MAP3K20: variants seen among roughly 807,000 people sequenced by gnomAD.
MAP3K20 encodes mitogen-activated protein kinase kinase kinase 20.
A neutral mutation model predicts 85.7 loss-of-function variants in MAP3K20; 40 were observed. The observed-to-expected ratio is 0.47, with a 90% CI of 0.36 to 0.61. The LOEUF (loss-of-function observed/expected upper bound fraction) is 0.61. Among genes scored for constraint, MAP3K20 ranks in the 20% least tolerant of loss-of-function variants. The probability of loss-of-function intolerance (pLI) is 0.00; values close to 1 mark genes in which losing one functional copy is unlikely to be tolerated. For missense variants in MAP3K20, 817 were observed against 961.7 expected (o/e 0.85, Z 1.99); for synonymous variants, 325 against 327.7 (o/e 0.99, Z 0.09).
chr2:173,092,709 T>A (rs565198375), intron 2 of MAP3K20, among the ~76,000 whole-genome samples: 11 of 152,330 alleles, frequency 7.2e-5, no homozygotes, highest in African/African-American at 2.6e-4. Context: ...TATATGATTG[T>A]TCGATGTGAA....
intron 2 of MAP3K20, among the ~76,000 whole-genome samples, chr2:173,137,364 G>T (rs3754743): frequency 0.27 from 41,444 of 152,044 alleles, 6,959 homozygotes; most frequent in Non-Finnish European, 0.37. Context: ...TGAGAGATAC[G>T]GTGTAGTGTA....
chr2:173,080,424 T>C (rs1320187956), intron 1 of MAP3K20, among the ~76,000 whole-genome samples: 2 of 152,214 alleles, frequency 1.3e-5, no homozygotes, highest in Non-Finnish European at 2.9e-5. Context: ...ATTTGGCTCA[T>C]GGTTCTGGAG....
At chr2:173,213,020 AGTTT>A (rs1402870464) in intron 10 of MAP3K20, among the ~76,000 whole-genome samples, 1 of 152,064 alleles carries the variant, frequency 6.6e-6, no homozygotes, top group Non-Finnish European at 1.5e-5. Context: ...CCTACAGTCT[AGTTT>A]GTTTAGAATG....
chr2:173,149,910 C>G (rs1689252842), intron 2 of MAP3K20, among the ~76,000 whole-genome samples: 1 of 152,168 alleles, frequency 6.6e-6, no homozygotes, highest in Non-Finnish European at 1.5e-5. Context: ...TATTTTGGGG[C>G]CCATTTGATT....
intron 11 of MAP3K20, chr2:173,226,793 CT>C: frequency 4.1e-6 from 4 of 983,840 alleles, no homozygotes; most frequent in Non-Finnish European, 4.8e-6. Flanking sequence ...AATTTTTGTA[CT>C]AAATAATAGA....
chr2:173,258,668 T>A (rs911870815), intron 16 of MAP3K20, 31 bp from the exon 17 acceptor site: 20 of 1,389,504 alleles, frequency 1.4e-5, no homozygotes, highest in Non-Finnish European at 1.9e-5. Flanking sequence ...TTTCACTTTC[T>A]CAAATTCTGT....
At chr2:173,083,328 C>T (rs541182040) in intron 1 of MAP3K20, among the ~76,000 whole-genome samples, 102 of 152,190 alleles carry the variant, frequency 6.7e-4, no homozygotes, top group South Asian at 5.6e-3. Flanking sequence ...TGTTCCTATA[C>T]CTAGTCTTGC....
chr2:173,228,828 A>T (rs1052133607), intron 11 of MAP3K20, among the ~76,000 whole-genome samples: 11 of 151,674 alleles, frequency 7.3e-5, no homozygotes, highest in Non-Finnish European at 1.6e-4. Context: ...TTTTTTTGAA[A>T]CTCACTCACA....
intron 15 of MAP3K20, among the ~76,000 whole-genome samples, 169 bp downstream of exon 15, chr2:173,238,604 C>T (rs1166207311): frequency 6.6e-6 from 1 of 152,194 alleles, no homozygotes; most frequent in Admixed American, 6.5e-5. Flanking sequence ...AAATTGAACA[C>T]CCTTGTTCCC....
intron 12 of MAP3K20, among the ~76,000 whole-genome samples, chr2:173,231,974 AG>A (rs1246165515): frequency 1.3e-5 from 2 of 152,230 alleles, no homozygotes; most frequent in Non-Finnish European, 2.9e-5. Context: ...AGGAAAACCA[AG>A]GGGCTTTTAA....
At chr2:173,134,509 C>G (rs538427497) in intron 2 of MAP3K20, among the ~76,000 whole-genome samples, 1 of 139,900 alleles carries the variant, frequency 7.1e-6, no homozygotes, top group South Asian at 2.3e-4. Context: ...TCAAGTAATC[C>G]GCCCGTTTTG....
chr2:173,222,406 C>T (rs1684276902), intron 11 of MAP3K20: 1 of 985,688 alleles, frequency 1.0e-6, no homozygotes. Flanking sequence ...GATTTGAAAC[C>T]AACAGCAGAT....
chr2:173,209,863 C>A, intron 10 of MAP3K20, 28 bp downstream of exon 10: 1 of 1,583,444 alleles, frequency 6.3e-7, no homozygotes, highest in Non-Finnish European at 8.7e-7. Context: ...CAGGCCACAG[C>A]GTCTGGCTTT....
At chr2:173,143,860 T>C (rs1215283719) in intron 2 of MAP3K20, among the ~76,000 whole-genome samples, 1 of 152,160 alleles carries the variant, frequency 6.6e-6, no homozygotes, top group Non-Finnish European at 1.5e-5. Context: ...TTCTATATAC[T>C]AGCAGCAAAG....
chr2:173,120,942 C>T (rs1454159051), intron 2 of MAP3K20, among the ~76,000 whole-genome samples: 6 of 151,844 alleles, frequency 4.0e-5, no homozygotes, highest in South Asian at 2.1e-4. Context: ...CTCCTGACCT[C>T]GTGATCCACC....
chr2:173,198,285 T>C lies in MAP3K20; in HGVS notation c.669+173T>C. The C allele has an allele frequency of 2.0e-6, 1 of 489,360 alleles. No individual in the cohort carries two copies. The allele number at this position is 489,360 out of a possible 1,614,324, so 30.3% of individuals were successfully genotyped here. A position where few individuals can be genotyped will look rare whatever the true frequency, so the allele number is the denominator to read the frequency against. ...TGTTATTCCTCATGAATGGACCCTTTACATCTAATTGTTGCAGCTTCACGT... is the reference window on the plus strand; with the variant it reads ...TGTTATTCCTCATGAATGGACCCTTCACATCTAATTGTTGCAGCTTCACGT... On this transcript the variant is annotated intron_variant, in intron 8 of 19. Transcript: ENST00000375213. The surrounding 1 kb of genome is among the most constrained non-coding windows in gnomAD (Gnocchi z 5.8).
chr2:173,147,044 T>C (rs1689158279), intron 2 of MAP3K20, among the ~76,000 whole-genome samples: 1 of 152,232 alleles, frequency 6.6e-6, no homozygotes, highest in African/African-American at 2.4e-5. Context: ...TATTTTTAAT[T>C]CAATTATTTA....
intron 2 of MAP3K20, among the ~76,000 whole-genome samples, chr2:173,111,052 G>T (rs1186786323): frequency 6.6e-6 from 1 of 152,160 alleles, no homozygotes; most frequent in South Asian, 2.1e-4. Context: ...TACCAGCAGT[G>T]TGGAAGTGTT....
rs147746768 is a variant in MAP3K20 at position 173,262,623 on chromosome 2, C to A, written c.1552-1122C>A. 6.2e-3 allele frequency among the ~76,000 whole-genome samples: 934 copies of A among 151,838 alleles called. 14 individuals carry two copies. The highest frequency in any genetic ancestry group is 0.025 in the East Asian group (130 of 5,174). On this transcript the variant is annotated intron_variant, in intron 18 of 19. Coordinates refer to ENST00000375213, the MANE Select transcript of MAP3K20 (RefSeq NM_016653.3). Reference sequence around the variant, plus strand: ...CAAAAAAGAAAAAAAAAAAGAAAAGCAAAGCAATACAAACTCTGGCCAGTC... The same window carrying A: ...CAAAAAAGAAAAAAAAAAAGAAAAGAAAAGCAATACAAACTCTGGCCAGTC...
Sources: gnomAD v4.1 joint callset for allele counts (sites outside exome capture counted in the v4.1 genomes callset) on GRCh38, gnomAD v4.1.1 for gene constraint, Gnocchi (gnomAD v3.1) non-coding constraint, MANE v1.5 for transcripts, NCBI Gene and HGNC (gene_info 2026-07-23, HGNC 2026-07-21) for gene names.